NPAS3: variants seen among roughly 807,000 people sequenced by gnomAD.
The protein encoded by NPAS3 is neuronal PAS domain protein 3, also known as neuronal PAS domain-containing protein 3.
In NPAS3, 14 loss-of-function variants were observed where a neutral mutation model predicts 73.1. The observed-to-expected ratio is 0.19, with a 90% CI of 0.13 to 0.30. The LOEUF is 0.30. NPAS3 is among the 10% of genes least tolerant of loss of function. The pLI is 1.00. For synonymous variants in NPAS3, 620 were observed against 541.5 expected, an observed-to-expected ratio of 1.14 and a Z score of -2.01; for missense variants, 1,096 against 1,250.0, an observed-to-expected ratio of 0.88 and a Z score of 1.86.
chr14:33,058,005 G>T (rs1256070137), intron 2 of NPAS3, among the ~76,000 whole-genome samples: 3 of 151,950 alleles, frequency 2.0e-5, no homozygotes, highest in African/African-American at 7.3e-5. Flanking sequence ...TAAGTTTTTG[G>T]CTTCTGTTTA....
At chr14:33,728,599 A>G (rs943919866) in intron 6 of NPAS3, among the ~76,000 whole-genome samples, 2 of 152,202 alleles carry the variant, frequency 1.3e-5, no homozygotes, top group Admixed American at 1.3e-4. Context: ...GTGACTGCAG[A>G]AAATGGAAGG....
At chr14:32,958,036 C>T (rs1382683964) in intron 1 of NPAS3, among the ~76,000 whole-genome samples, 2 of 152,200 alleles carry the variant, frequency 1.3e-5, no homozygotes, top group Non-Finnish European at 2.9e-5. Flanking sequence ...CTTTGCTGTA[C>T]TCCTTTAACT....
At chr14:33,578,804 A>G (rs1375242706) in intron 5 of NPAS3, among the ~76,000 whole-genome samples, 3 of 152,218 alleles carry the variant, frequency 2.0e-5, no homozygotes, top group Admixed American at 1.3e-4. Context: ...CAATTTATTC[A>G]TCATCTAATG....
chr14:33,579,482 T>G (rs1043154204), intron 5 of NPAS3, among the ~76,000 whole-genome samples: 4 of 152,144 alleles, frequency 2.6e-5, no homozygotes, highest in African/African-American at 9.7e-5. Context: ...TTATTCAGGC[T>G]CTCTATATAT....
At chr14:33,435,381 G>A (rs1337168735) in intron 4 of NPAS3, among the ~76,000 whole-genome samples, 1 of 152,068 alleles carries the variant, frequency 6.6e-6, no homozygotes, top group Non-Finnish European at 1.5e-5. Context: ...CTGTCATTTT[G>A]GTTTTCTATT....
At chr14:33,688,965 T>G (rs1429055502) in intron 6 of NPAS3, among the ~76,000 whole-genome samples, 1 of 152,244 alleles carries the variant, frequency 6.6e-6, no homozygotes, top group Non-Finnish European at 1.5e-5. Context: ...TATTATAGAC[T>G]TTTAAAATCT....
chr14:33,215,351 A>G lies in NPAS3; in HGVS notation c.310A>G (p.Arg104Gly), dbSNP rs770578623. Residue 104 changes from arginine to glycine, a missense_variant, in exon 3 of 12, where the codon AGG becomes GGG. Transcript: ENST00000356141. The stretch of plus-strand genomic sequence containing the variant: ...ACTTACAATTAGCTATCTGAAAATG[A>G]GGGACTTTGCTAACCAGGGGGACCC... The G allele has an allele frequency of 1.9e-6, 3 of 1,605,602 alleles. No homozygotes were observed. In the South Asian group the frequency reaches 3.3e-5, roughly 18 times the overall value.
At chr14:33,265,562 T>C (rs1233593898) in intron 3 of NPAS3, among the ~76,000 whole-genome samples, 1 of 152,190 alleles carries the variant, frequency 6.6e-6, no homozygotes, top group Non-Finnish European at 1.5e-5. Context: ...AATTAGGCTC[T>C]GTCTTATGGG....
At chr14:33,237,746 A>G (rs915738824) in intron 3 of NPAS3, among the ~76,000 whole-genome samples, 1 of 151,960 alleles carries the variant, frequency 6.6e-6, no homozygotes, top group Non-Finnish European at 1.5e-5. Flanking sequence ...TTCTATGTTG[A>G]AATGTTATTC....
chr14:33,587,523 GCTGTGCTGA>G (rs1213298031), intron 5 of NPAS3, among the ~76,000 whole-genome samples: 2 of 152,140 alleles, frequency 1.3e-5, no homozygotes, highest in South Asian at 4.1e-4. Flanking sequence ...TCACAGAACT[GCTGTGCTGA>G]CTTCTGGAGA....
chr14:33,568,271 T>A (rs1271522213), intron 5 of NPAS3, among the ~76,000 whole-genome samples: 2 of 152,208 alleles, frequency 1.3e-5, no homozygotes, highest in Non-Finnish European at 2.9e-5. Flanking sequence ...CATATTTAAA[T>A]AATGAAACGG....
At chr14:33,019,329 C>A (rs2039506963) in intron 1 of NPAS3, among the ~76,000 whole-genome samples, 1 of 152,162 alleles carries the variant, frequency 6.6e-6, no homozygotes, top group Non-Finnish European at 1.5e-5. Context: ...AAATAATTTT[C>A]CATTGAATAA....
intron 4 of NPAS3, among the ~76,000 whole-genome samples, chr14:33,556,879 G>A (rs940369284): frequency 5.3e-5 from 8 of 152,162 alleles, no homozygotes; most frequent in African/African-American, 9.7e-5. Flanking sequence ...AAGTTCTCCT[G>A]TGATCTTTCT....
intron 7 of NPAS3, among the ~76,000 whole-genome samples, chr14:33,750,092 G>A (rs982666506): frequency 1.3e-5 from 2 of 151,908 alleles, no homozygotes; most frequent in Non-Finnish European, 2.9e-5. Context: ...TTTACTTCCT[G>A]CTTAGAAAAA....
At chr14:33,235,802 A>ATTATT (rs1370210170) in intron 3 of NPAS3, among the ~76,000 whole-genome samples, 1 of 65,898 alleles carries the variant, frequency 1.5e-5, no homozygotes, top group African/African-American at 5.0e-5. Context: ...TGTTGATACA[A>ATTATT]TTCTTTTTTT....
At chr14:33,514,179 A>C (rs1222648242) in intron 4 of NPAS3, among the ~76,000 whole-genome samples, 1 of 152,038 alleles carries the variant, frequency 6.6e-6, no homozygotes, top group Non-Finnish European at 1.5e-5. Context: ...GAATTGAATT[A>C]ACAAGGGGCT....
chr14:33,642,469 A>C (rs1459676307), intron 5 of NPAS3, among the ~76,000 whole-genome samples: 1 of 152,152 alleles, frequency 6.6e-6, no homozygotes, highest in African/African-American at 2.4e-5. Context: ...GGAATGTTTA[A>C]TCTTTCTTAT....
intron 2 of NPAS3, among the ~76,000 whole-genome samples, chr14:33,073,825 T>C (rs2041566998): frequency 6.6e-6 from 1 of 151,894 alleles, no homozygotes; most frequent in Non-Finnish European, 1.5e-5. Flanking sequence ...TTGCATGGAG[T>C]GGATGAGAGA....
intron 4 of NPAS3, among the ~76,000 whole-genome samples, chr14:33,468,925 C>T (rs1043293182): frequency 2.6e-5 from 4 of 152,032 alleles, no homozygotes; most frequent in African/African-American, 7.2e-5. Context: ...AGTTAAGACC[C>T]GGTTGGAATC....
Sources: gnomAD v4.1 joint callset for allele counts (sites outside exome capture counted in the v4.1 genomes callset) on GRCh38, gnomAD v4.1.1 for gene constraint, MANE v1.5 for transcripts, NCBI Gene and HGNC (gene_info 2026-07-23, HGNC 2026-07-21) for gene names.